JPH3: variants seen among roughly 807,000 people sequenced by gnomAD.
JPH3 encodes junctophilin-3.
In JPH3, 11 loss-of-function variants were observed where a neutral mutation model predicts 59.6. The ratio of observed to expected loss-of-function variants is 0.18; its 90% CI spans 0.12 to 0.31. The LOEUF is 0.31. JPH3 is among the 10% of genes least tolerant of loss of function. The pLI is 1.00. For missense variants in JPH3, 1,202 were observed against 1,105.7 expected, an observed-to-expected ratio of 1.09 and a Z score of -1.24; for synonymous variants, 673 against 483.6, an observed-to-expected ratio of 1.39 and a Z score of -5.14.
chr16:87,647,733 C>T (rs1157091394), intron 2 of JPH3, among the ~76,000 whole-genome samples: 2 of 152,236 alleles, frequency 1.3e-5, no homozygotes, highest in Admixed American at 6.5e-5. Flanking sequence ...CACCGCTGTG[C>T]ACAGCCAGCA....
At chr16:87,634,184 G>A (rs2031656677) in intron 1 of JPH3, among the ~76,000 whole-genome samples, 1 of 152,154 alleles carries the variant, frequency 6.6e-6, no homozygotes, top group South Asian at 2.1e-4. Flanking sequence ...GCCAGCGCAG[G>A]GCTCTCACTG....
At chr16:87,692,003 G>A (rs1043306904) in intron 4 of JPH3, among the ~76,000 whole-genome samples, 3 of 152,166 alleles carry the variant, frequency 2.0e-5, no homozygotes, top group Admixed American at 2.0e-4. Context: ...GGGGACAAGT[G>A]CCAAGCTGGC....
At chr16:87,613,201 AT>A (rs2030800800) in intron 1 of JPH3, among the ~76,000 whole-genome samples, 1 of 141,012 alleles carries the variant, frequency 7.1e-6, no homozygotes, top group African/African-American at 2.7e-5. Flanking sequence ...GATTCACGCC[AT>A]TCTCCTGCCT....
chr16:87,632,388 C>G (rs897232087), intron 1 of JPH3, among the ~76,000 whole-genome samples: 1 of 152,188 alleles, frequency 6.6e-6, no homozygotes, highest in African/African-American at 2.4e-5. Context: ...AGAGAAAACT[C>G]TCTTCCTTTC....
At chr16:87,630,245 C>T (rs3909914) in intron 1 of JPH3, among the ~76,000 whole-genome samples, 32,512 of 152,030 alleles carry the variant, frequency 0.21, 3,588 homozygotes, top group African/African-American at 0.25. Context: ...ACCTCTGGGG[C>T]CAGCTGCTGT....
At chr16:87,638,891 C>G (rs2031846009) in intron 1 of JPH3, among the ~76,000 whole-genome samples, 1 of 152,014 alleles carries the variant, frequency 6.6e-6, no homozygotes, top group African/African-American at 2.4e-5. Flanking sequence ...GCCTACGAAT[C>G]TCTCAGGATG....
At chr16:87,640,206 G>C (rs935856546) in intron 1 of JPH3, among the ~76,000 whole-genome samples, 2 of 151,856 alleles carry the variant, frequency 1.3e-5, no homozygotes. Flanking sequence ...GTGCATGCCT[G>C]TAGTCCCAGC....
intron 4 of JPH3, chr16:87,695,396 G>A (rs1481130975): frequency 4.4e-6 from 2 of 456,052 alleles, no homozygotes; most frequent in African/African-American, 4.0e-5. Context: ...TTCAGGACAA[G>A]CCCTGGTCCA....
rs551468450 is a variant in JPH3 at position 87,668,937 on chromosome 16, C to T, written c.1161-15205C>T. Among the ~76,000 whole-genome samples the T allele has an allele frequency of 9.9e-5, 15 of 152,268 alleles. 1 individual carries two copies. In the East Asian group the frequency reaches 2.5e-3, roughly 26 times the overall value. ...GTGGATCTCCTCTCCCTCGCCTCCA[C>T]GTGGGCTCCAGGTAGCTGCACACGC... is the stretch of plus-strand genomic sequence containing the variant. On this transcript the variant is annotated intron_variant, in intron 2 of 4. Coordinates refer to ENST00000284262, the MANE Select transcript of JPH3 (RefSeq NM_020655.4).
At chr16:87,612,635 C>T (rs2150823115) in intron 1 of JPH3, among the ~76,000 whole-genome samples, 1 of 152,284 alleles carries the variant, frequency 6.6e-6, no homozygotes, top group South Asian at 2.1e-4. Context: ...TATCTGGTCA[C>T]AGCAAGCAGG....
At chr16:87,681,570 T>C (rs1296261438) in intron 2 of JPH3, among the ~76,000 whole-genome samples, 11 of 142,908 alleles carry the variant, frequency 7.7e-5, no homozygotes, top group African/African-American at 2.9e-4. Flanking sequence ...CGCCTGGTGA[T>C]GACAGTTCCG....
chr16:87,652,002 T>C (rs2032338882), intron 2 of JPH3, among the ~76,000 whole-genome samples: 2 of 151,656 alleles, frequency 1.3e-5, no homozygotes, highest in African/African-American at 4.9e-5. Flanking sequence ...TGAGATGGAG[T>C]CTCGCTCTGT....
Position 87,644,625 on chromosome 16 carries a change from G to A in JPH3, c.750G>A (p.Met250Ile). The change falls in exon 2 of 5, where the codon ATG (methionine) becomes ATA (isoleucine). Residue 250 changes from methionine (M) to isoleucine (I), a missense_variant. By Grantham distance (10) the Met-to-Ile change is conservative. Transcript: ENST00000284262. ...KQSSFRSEAGMSTVSSTASDI... is the reference protein window; with the variant it reads ...KQSSFRSEAGISTVSSTASDI... The stretch of plus-strand genomic sequence containing the variant: ...GCTCCTTTCGCAGCGAGGCGGGCAT[G>A]AGCACCGTCAGCTCCACGGCCAGCG... 1 of 1,612,486 alleles carries A rather than the reference G, an allele frequency of 6.2e-7. No homozygotes were observed. Among genetic ancestry groups the A allele is most frequent in the Non-Finnish European group, 8.5e-7 (1 of 1,179,896 alleles).
intron 1 of JPH3, among the ~76,000 whole-genome samples, chr16:87,612,655 T>G (rs1182906719): frequency 6.6e-6 from 1 of 152,080 alleles, no homozygotes; most frequent in East Asian, 1.9e-4. Flanking sequence ...GGCCTAGAGT[T>G]GCAGCTGTAG....
intron 2 of JPH3, among the ~76,000 whole-genome samples, chr16:87,680,487 A>G (rs192702226): frequency 1.2e-3 from 188 of 152,346 alleles, no homozygotes; most frequent in African/African-American, 4.4e-3. Context: ...GGAGCCTCGC[A>G]TGCAGGGCCA....
At chr16:87,684,329 C>A in intron 3 of JPH3, 63 bp downstream of exon 3, 1 of 1,586,316 alleles carries the variant, frequency 6.3e-7, no homozygotes, top group South Asian at 1.2e-5. Context: ...GCTGGGCAGT[C>A]CTGGCAGCAG....
chr16:87,674,117 G>A (rs1371814085), intron 2 of JPH3, among the ~76,000 whole-genome samples: 8 of 151,780 alleles, frequency 5.3e-5, no homozygotes, highest in African/African-American at 1.7e-4. Context: ...GGTGGATCAC[G>A]AGGTCAGGAG....
intron 1 of JPH3, chr16:87,604,314 G>GCTGCTT (rs1366706889): frequency 1.4e-6 from 2 of 1,466,884 alleles, no homozygotes; most frequent in African/African-American, 1.4e-5. Flanking sequence ...TGCTGCTGCT[G>GCTGCTT]CTGCTGCTGC....
chr16:87,604,181 C>G (rs1192997791), intron 1 of JPH3: 8 of 1,395,844 alleles, frequency 5.7e-6, no homozygotes, highest in Non-Finnish European at 3.8e-6. Context: ...TCTCGTCTTT[C>G]AGTGGCTGCA....
Sources: allele counts gnomAD v4.1 joint callset (sites outside exome capture counted in the v4.1 genomes callset), GRCh38; gene constraint gnomAD v4.1.1; transcripts MANE v1.5; gene names NCBI Gene and HGNC (gene_info 2026-07-23, HGNC 2026-07-21).